The following SEC24B variants were observed in gnomAD, a reference collection of about 807,000 sequenced individuals.
SEC24B encodes the protein SEC24 homolog B, COPII component.
Under a neutral mutation model 142.8 loss-of-function variants are expected in SEC24B, and 45 were observed. The ratio of observed to expected loss-of-function variants is 0.32; its 90% CI spans 0.25 to 0.40. The LOEUF is 0.40. SEC24B is among the 10% of genes least tolerant of loss of function. The pLI is 1.00. For missense variants in SEC24B, 1,409 were observed against 1,526.8 expected, an observed-to-expected ratio of 0.92 and a Z score of 1.29; for synonymous variants, 574 against 568.2, an observed-to-expected ratio of 1.01 and a Z score of -0.15.
At chr4:109,436,910 C>T (rs968423858) in intron 1 of SEC24B, among the ~76,000 whole-genome samples, 2 of 152,202 alleles carry the variant, frequency 1.3e-5, no homozygotes, top group Non-Finnish European at 2.9e-5. Flanking sequence ...TCATCTGTAT[C>T]CTTTGTAATA....
intron 1 of SEC24B, among the ~76,000 whole-genome samples, chr4:109,444,685 T>A (rs1230651141): frequency 6.6e-6 from 1 of 152,158 alleles, no homozygotes; most frequent in Non-Finnish European, 1.5e-5. Context: ...AGGGCATACA[T>A]GCTTATAGAA....
intron 6 of SEC24B, among the ~76,000 whole-genome samples, chr4:109,505,312 A>G (rs1561147601): frequency 6.6e-6 from 1 of 152,144 alleles, no homozygotes; most frequent in Non-Finnish European, 1.5e-5. Context: ...CTAGTATTTT[A>G]TACATCTCAG....
intron 14 of SEC24B, among the ~76,000 whole-genome samples, chr4:109,523,119 T>C (rs1035718662): frequency 7.2e-5 from 11 of 152,106 alleles, no homozygotes; most frequent in African/African-American, 2.4e-5. Context: ...TAGAGGATCA[T>C]TTGAGCTTAG....
chr4:109,528,852 A>AT (rs1724570916), intron 18 of SEC24B, among the ~76,000 whole-genome samples: 1 of 152,166 alleles, frequency 6.6e-6, no homozygotes, highest in Non-Finnish European at 1.5e-5. Context: ...AAGGATCCAA[A>AT]TTTTTTTAAA....
intron 22 of SEC24B, among the ~76,000 whole-genome samples, chr4:109,538,283 A>T (rs1262214538): frequency 6.6e-6 from 1 of 152,256 alleles, no homozygotes; most frequent in African/African-American, 2.4e-5. Flanking sequence ...TGTCAGTGAC[A>T]TACTTGTCAT....
At chr4:109,514,251 C>G (rs1385641682) in intron 10 of SEC24B, among the ~76,000 whole-genome samples, 2 of 152,184 alleles carry the variant, frequency 1.3e-5, no homozygotes, top group Non-Finnish European at 2.9e-5. Flanking sequence ...ATATGGACTT[C>G]TAATTTTTTC....
intron 1 of SEC24B, among the ~76,000 whole-genome samples, chr4:109,449,058 G>C (rs376728381): frequency 1.3e-5 from 2 of 151,692 alleles, no homozygotes; most frequent in African/African-American, 4.8e-5. Context: ...TGAATTTTTC[G>C]TAAGAATACC....
chr4:109,448,779 T>C (rs1729742039), intron 1 of SEC24B, among the ~76,000 whole-genome samples: 1 of 152,224 alleles, frequency 6.6e-6, no homozygotes, highest in Admixed American at 6.5e-5. Context: ...GAAATTAACA[T>C]TGGTGAAATA....
At position 109,453,870 on chromosome 4, in the gene SEC24B, C is replaced by T. The variant is rs185927556; in HGVS notation, c.134-9031C>T. ...CTGCCGTTCGGTATCCCTGACTTCCCGCAACAGACGGAGTTTCGCTCTTGT... is the reference window on the plus strand; with the variant it reads ...CTGCCGTTCGGTATCCCTGACTTCCTGCAACAGACGGAGTTTCGCTCTTGT... On this transcript the variant is annotated intron_variant, in intron 1 of 23. Transcript: ENST00000265175. Among the ~76,000 whole-genome samples the T allele has an allele frequency of 2.4e-3, 366 of 152,184 alleles. 3 individuals carry two copies. The highest frequency in any genetic ancestry group is 7.4e-4 in the Non-Finnish European group (50 of 68,012).
intron 3 of SEC24B, among the ~76,000 whole-genome samples, chr4:109,478,743 A>C (rs970687285): frequency 2.6e-5 from 4 of 152,214 alleles, no homozygotes; most frequent in Admixed American, 1.3e-4. Flanking sequence ...TCATAGTAAA[A>C]ATTAGGATAA....
chr4:109,451,536 C>T (rs1730089198), intron 1 of SEC24B, among the ~76,000 whole-genome samples: 1 of 152,080 alleles, frequency 6.6e-6, no homozygotes, highest in South Asian at 2.1e-4. Context: ...AAGTTGGCTT[C>T]TGTATCCTTT....
At chr4:109,489,643 GATATATATGGT>G (rs1262964860) in intron 4 of SEC24B, among the ~76,000 whole-genome samples, 4 of 142,336 alleles carry the variant, frequency 2.8e-5, no homozygotes, top group African/African-American at 8.1e-5. Context: ...GTATATATAT[GATATATATGGT>G]ATATATATGA....
At chr4:109,523,929 C>T (rs1345106993) in intron 14 of SEC24B, among the ~76,000 whole-genome samples, 1 of 152,102 alleles carries the variant, frequency 6.6e-6, no homozygotes, top group Non-Finnish European at 1.5e-5. Flanking sequence ...CACCATATTT[C>T]ACCCTTTATA....
intron 6 of SEC24B, among the ~76,000 whole-genome samples, chr4:109,497,677 A>G (rs903443923): frequency 1.3e-5 from 2 of 152,018 alleles, no homozygotes; most frequent in African/African-American, 2.4e-5. Flanking sequence ...GTGGTACTCA[A>G]TCATGTGAAT....
chr4:109,448,432 T>TA (rs1327445823), intron 1 of SEC24B, among the ~76,000 whole-genome samples: 1 of 152,196 alleles, frequency 6.6e-6, no homozygotes, highest in Non-Finnish European at 1.5e-5. Context: ...ATTTTAGACT[T>TA]ACAGAAGTGT....
At chr4:109,455,006 C>G (rs28597954) in intron 1 of SEC24B, among the ~76,000 whole-genome samples, 1 of 152,082 alleles carries the variant, frequency 6.6e-6, no homozygotes, top group African/African-American at 2.4e-5. Flanking sequence ...CATGGCTGTC[C>G]GTACTTTGTT....
At chr4:109,533,831 G>T in intron 22 of SEC24B, 146 bp downstream of exon 22, 1 of 628,762 alleles carries the variant, frequency 1.6e-6, no homozygotes, top group African/African-American at 1.9e-5. Flanking sequence ...CCACTATTTA[G>T]TTTCAGAACA....
chr4:109,526,508 G>T, intron 17 of SEC24B, 109 bp downstream of exon 17: 1 of 716,772 alleles, frequency 1.4e-6, no homozygotes, highest in African/African-American at 1.8e-5. Context: ...GGAAGTAATG[G>T]AATTTGTATT....
chr4:109,521,883 C>A (rs1442409503), intron 14 of SEC24B, among the ~76,000 whole-genome samples: 1 of 151,894 alleles, frequency 6.6e-6, no homozygotes, highest in Non-Finnish European at 1.5e-5. Flanking sequence ...AGGCGTGCAC[C>A]ACCACACCCG....
Sources: gnomAD v4.1 joint callset for allele counts (sites outside exome capture counted in the v4.1 genomes callset) on GRCh38, gnomAD v4.1.1 for gene constraint, MANE v1.5 for transcripts, NCBI Gene and HGNC (gene_info 2026-07-23, HGNC 2026-07-21) for gene names.